Variants in UBASH3B observed in about 807,000 individuals in gnomAD.
The protein encoded by UBASH3B is ubiquitin associated and SH3 domain containing B, also known as ubiquitin-associated and SH3 domain-containing protein B.
UBASH3B carries 37 observed loss-of-function variants against 83.4 expected under a neutral mutation model. That is an observed-to-expected ratio of 0.44 (90% CI 0.34 to 0.58). UBASH3B has a LOEUF of 0.58. Among genes scored for constraint, UBASH3B ranks in the 20% least tolerant of loss-of-function variants. The probability of loss-of-function intolerance (pLI) is 0.01; values close to 1 mark genes in which losing one functional copy is unlikely to be tolerated. For missense variants in UBASH3B, 657 were observed against 827.2 expected (o/e 0.79, Z 2.52); for synonymous variants, 304 against 318.3 (o/e 0.96, Z 0.48).
intron 1 of UBASH3B, among the ~76,000 whole-genome samples, chr11:122,675,161 G>T (rs1294171574): frequency 6.6e-6 from 1 of 152,214 alleles, no homozygotes. Flanking sequence ...TTAGACCCGT[G>T]TTTATGGTGC....
intron 1 of UBASH3B, among the ~76,000 whole-genome samples, chr11:122,686,454 G>T (rs1479456109): frequency 2.0e-5 from 3 of 152,216 alleles, no homozygotes; most frequent in Non-Finnish European, 4.4e-5. Context: ...GGGATCCAAG[G>T]ATGTGTTGCC....
In UBASH3B at chr11:122,809,943, A is replaced by T. The variant is rs1861411264; in HGVS notation, c.*57A>T. 1 of 1,585,150 alleles carries T rather than the reference A, an allele frequency of 6.3e-7. No individual in the cohort carries two copies. Among genetic ancestry groups the T allele is most frequent in the Admixed American group, 1.8e-5 (1 of 54,654 alleles). On this transcript the variant is annotated 3_prime_UTR_variant, in exon 14 of 14. Transcript: ENST00000284273. Reference sequence around the variant, plus strand: ...TTGGAGTGTGTCTTTCTGTGTGTTTAAAAACAGTGGGAAAATCCACACCAC... The same window carrying T: ...TTGGAGTGTGTCTTTCTGTGTGTTTTAAAACAGTGGGAAAATCCACACCAC...
chr11:122,809,202 G>A (rs1047889635), intron 13 of UBASH3B, among the ~76,000 whole-genome samples: 3 of 152,088 alleles, frequency 2.0e-5, no homozygotes, highest in Non-Finnish European at 2.9e-5. Flanking sequence ...AGCCTCCCAC[G>A]TAGCTGGGAT....
chr11:122,771,699 A>C (rs1729822715), intron 1 of UBASH3B, among the ~76,000 whole-genome samples: 1 of 152,130 alleles, frequency 6.6e-6, no homozygotes, highest in South Asian at 2.1e-4. Flanking sequence ...AGTTAGATCT[A>C]AACACCTTAA....
At chr11:122,799,724 T>A (rs1233321180) in intron 10 of UBASH3B, among the ~76,000 whole-genome samples, 1 of 152,184 alleles carries the variant, frequency 6.6e-6, no homozygotes, top group Non-Finnish European at 1.5e-5. Flanking sequence ...ATCTTAATCA[T>A]CATTTTTTTC....
Position 122,795,509 on chromosome 11 carries a change from G to T in UBASH3B, c.1114-647G>T, listed in dbSNP as rs60530426. Among the ~76,000 whole-genome samples the T allele has an allele frequency of 2.1e-3, 319 of 152,300 alleles. 1 individual carries two copies. The highest frequency in any genetic ancestry group is 4.6e-3 in the South Asian group (22 of 4,824). On this transcript the variant is annotated intron_variant, in intron 7 of 13. Transcript: ENST00000284273. Reference sequence around the variant, plus strand: ...GACGGAATGCAGAAACAGCTGTAAGGTTCCATCCAGCAGTTATAGAAGCCA... The same window carrying T: ...GACGGAATGCAGAAACAGCTGTAAGTTTCCATCCAGCAGTTATAGAAGCCA...
Position 122,789,288 on chromosome 11 carries a change from C to T in UBASH3B, c.960C>T (p.Cys320=), listed in dbSNP as rs1408871741. 4.3e-6 allele frequency: 7 copies of T among 1,614,062 alleles called. No homozygotes were observed. The highest frequency in any genetic ancestry group is 5.9e-6 in the Non-Finnish European group (7 of 1,180,048). ...ATTACATTACCAAGGCTGATGAATG[C>T]AGCACCTGGATATTTCATGGGTAAG... The part of the protein sequence containing the change: ...PENYITKADE[C]STWIFHGSYS... Residue 320 remains cysteine, a synonymous_variant, in exon 6 of 14, where the codon TGC becomes TGT. Coordinates refer to ENST00000284273, the MANE Select transcript of UBASH3B (RefSeq NM_032873.5).
intron 5 of UBASH3B, among the ~76,000 whole-genome samples, chr11:122,785,893 T>C (rs979483349): frequency 6.6e-6 from 1 of 151,970 alleles, no homozygotes; most frequent in African/African-American, 2.4e-5. Flanking sequence ...TTATTGTGAG[T>C]GAGAATAAAA....
chr11:122,667,034 A>AT (rs1863528614), intron 1 of UBASH3B, among the ~76,000 whole-genome samples: 1 of 134,808 alleles, frequency 7.4e-6, no homozygotes, highest in Admixed American at 7.7e-5. Flanking sequence ...TGATAATGGC[A>AT]TTCTTTTTTT....
At chr11:122,749,720 CTATTT>C (rs1424311488) in intron 1 of UBASH3B, among the ~76,000 whole-genome samples, 3 of 152,118 alleles carry the variant, frequency 2.0e-5, no homozygotes, top group Non-Finnish European at 2.9e-5. Flanking sequence ...GGTAATCATT[CTATTT>C]TATTTTATTT....
At chr11:122,722,344 A>G (rs1298282627) in intron 1 of UBASH3B, among the ~76,000 whole-genome samples, 2 of 152,228 alleles carry the variant, frequency 1.3e-5, no homozygotes, top group Non-Finnish European at 2.9e-5. Context: ...GAACCCAAGT[A>G]CAGGTCTCAA....
intron 3 of UBASH3B, among the ~76,000 whole-genome samples, chr11:122,777,888 C>A (rs544706756): frequency 7.9e-5 from 12 of 152,188 alleles, no homozygotes; most frequent in African/African-American, 2.9e-4. Flanking sequence ...TGCCACCATG[C>A]CCGGCTAATT....
At chr11:122,670,179 A>ATGTG (rs34408096) in intron 1 of UBASH3B, among the ~76,000 whole-genome samples, 17 of 149,410 alleles carry the variant, frequency 1.1e-4, no homozygotes, top group Admixed American at 2.0e-4. Context: ...CTGAGTGTGA[A>ATGTG]TGTGTGTGTG....
chr11:122,678,954 G>C (rs76148007), intron 1 of UBASH3B, among the ~76,000 whole-genome samples: 4,818 of 152,288 alleles, frequency 0.032, 250 homozygotes, highest in African/African-American at 0.1. Flanking sequence ...GTGCTTGGCT[G>C]CTGGATATGC....
chr11:122,784,935 C>A (rs960436804), intron 5 of UBASH3B, among the ~76,000 whole-genome samples: 1 of 151,992 alleles, frequency 6.6e-6, no homozygotes, highest in African/African-American at 2.4e-5. Context: ...TAGAACGAAC[C>A]CTGAAGATAA....
At chr11:122,702,789 T>A (rs899827483) in intron 1 of UBASH3B, among the ~76,000 whole-genome samples, 1 of 152,088 alleles carries the variant, frequency 6.6e-6, no homozygotes, top group Non-Finnish European at 1.5e-5. Context: ...CCTCCCAAAG[T>A]GCTGGGGATT....
chr11:122,710,394 A>C (rs140455733), intron 1 of UBASH3B, among the ~76,000 whole-genome samples: 1 of 152,158 alleles, frequency 6.6e-6, no homozygotes, highest in African/African-American at 2.4e-5. Flanking sequence ...CAAGCCAGGC[A>C]TTGTGCTGCC....
intron 1 of UBASH3B, among the ~76,000 whole-genome samples, chr11:122,764,841 T>G: frequency 6.6e-6 from 1 of 152,342 alleles, no homozygotes; most frequent in Admixed American, 6.5e-5. Flanking sequence ...CCAACTGCTC[T>G]GCACACGGAG....
At chr11:122,783,557 G>A (rs905998716) in intron 5 of UBASH3B, among the ~76,000 whole-genome samples, 1 of 152,098 alleles carries the variant, frequency 6.6e-6, no homozygotes, top group Non-Finnish European at 1.5e-5. Context: ...TAAATTTATG[G>A]TGTTAATGGA....
Sources: allele counts gnomAD v4.1 joint callset (sites outside exome capture counted in the v4.1 genomes callset), GRCh38; gene constraint gnomAD v4.1.1; transcripts MANE v1.5; gene names NCBI Gene and HGNC (gene_info 2026-07-23, HGNC 2026-07-21).